CYTH3: variants seen among roughly 807,000 people sequenced by gnomAD.
The protein encoded by CYTH3 is cytohesin 3, also known as cytohesin-3.
In CYTH3, 23 loss-of-function variants were observed where a neutral mutation model predicts 55.1. The observed-to-expected ratio is 0.42, with a 90% CI of 0.30 to 0.59. The LOEUF is 0.59. Ranked by LOEUF, CYTH3 falls within the 20% of genes least tolerant of loss-of-function variation. The probability of loss-of-function intolerance (pLI) is 0.20; values close to 1 mark genes in which losing one functional copy is unlikely to be tolerated. For synonymous variants in CYTH3, 249 were observed against 194.9 expected, an observed-to-expected ratio of 1.28 and a Z score of -2.31; for missense variants, 413 against 524.8, an observed-to-expected ratio of 0.79 and a Z score of 2.08.
rs1037720106 is a variant in CYTH3 at position 6,272,611 on chromosome 7, A to T, written c.-104T>A. On this transcript the variant is annotated 5_prime_UTR_variant, in exon 1 of 13. Coordinates refer to ENST00000350796, the MANE Select transcript of CYTH3 (RefSeq NM_004227.4). ...CGCGCAGGCGACCGGGCGGCTCCTC[A>T]GCGCGCGGCCCGGGTCGCGGCCGGG... 2 of 893,390 alleles carry T rather than the reference A, an allele frequency of 2.2e-6. No homozygotes were observed. The highest frequency in any genetic ancestry group is 3.6e-5 in the African/African-American group (2 of 55,102). The allele number at this position is 893,390 out of a possible 1,614,324, so 55.3% of individuals were successfully genotyped here.
At chr7:6,224,799 A>T (rs1779198718) in intron 1 of CYTH3, among the ~76,000 whole-genome samples, 1 of 152,226 alleles carries the variant, frequency 6.6e-6, no homozygotes, top group Admixed American at 6.5e-5. Context: ...AGAAGGTGGA[A>T]ACAAACCAAA....
At chr7:6,166,293 C>T (rs531625628) in intron 9 of CYTH3, among the ~76,000 whole-genome samples, 8 of 152,372 alleles carry the variant, frequency 5.3e-5, no homozygotes, top group Admixed American at 1.3e-4. Context: ...TGCACACGCA[C>T]GTACCCCCAT....
chr7:6,226,294 C>T (rs1779249479), intron 1 of CYTH3, among the ~76,000 whole-genome samples: 1 of 152,194 alleles, frequency 6.6e-6, no homozygotes, highest in Non-Finnish European at 1.5e-5. Flanking sequence ...GGAGATACTT[C>T]CTCATTCCTT....
intron 1 of CYTH3, among the ~76,000 whole-genome samples, chr7:6,201,805 C>T (rs1377206862): frequency 6.6e-6 from 1 of 151,670 alleles, no homozygotes; most frequent in Non-Finnish European, 1.5e-5. Flanking sequence ...AGAAGGCATA[C>T]TAAAATTTCT....
At chr7:6,168,845 T>A (rs941007936) in intron 9 of CYTH3, among the ~76,000 whole-genome samples, 10 of 152,206 alleles carry the variant, frequency 6.6e-5, no homozygotes, top group African/African-American at 2.4e-4. Flanking sequence ...GCTGATGGCG[T>A]CACTGTCCCT....
chr7:6,171,126 G>C lies in CYTH3; in HGVS notation c.562+76C>G. On this transcript the variant is annotated intron_variant, in intron 7 of 12. Coordinates refer to ENST00000350796, the MANE Select transcript of CYTH3 (RefSeq NM_004227.4). This position sits in a 1 kb window ranked among gnomAD's most constrained non-coding sequence, Gnocchi z 6.7. ...GGTCCCCAGGAACACACGCTGGGCT[G>C]TGCCCACAGGGGCCGCCCCCTCCAG... 1 of 1,587,290 alleles carries C rather than the reference G, an allele frequency of 6.3e-7. No individual in the cohort carries two copies. Among genetic ancestry groups the C allele is most frequent in the South Asian group, 1.1e-5 (1 of 90,278 alleles).
intron 3 of CYTH3, 127 bp downstream of exon 3, chr7:6,187,530 G>C: frequency 1.2e-6 from 1 of 825,588 alleles, no homozygotes; most frequent in Non-Finnish European, 2.1e-6. Flanking sequence ...GGAGAGGAGA[G>C]GAATTAACAA....
chr7:6,189,930 G>T (rs548748081), intron 2 of CYTH3, among the ~76,000 whole-genome samples: 77 of 152,194 alleles, frequency 5.1e-4, no homozygotes, highest in African/African-American at 1.8e-3. Context: ...CAGATACTCA[G>T]GAGACTGAGG....
At position 6,170,802 on chromosome 7, in the gene CYTH3, G is replaced by C. The variant is rs556745763; in HGVS notation, c.711+28C>G. 8.8e-6 allele frequency: 14 copies of C among 1,597,888 alleles called. No individual in the cohort carries two copies. Among genetic ancestry groups the C allele is most frequent in the Admixed American group, 6.9e-5 (4 of 58,200 alleles). On this transcript the variant is annotated intron_variant, in intron 8 of 12. Transcript: ENST00000350796. The surrounding 1 kb of genome is among the most constrained non-coding windows in gnomAD (Gnocchi z 7.8). ...CTCACAGCGAAGAGATCCTGCAGACGGCAGCGGCCGCGGGCCGGGGAGCTC... is the reference window on the plus strand; with the variant it reads ...CTCACAGCGAAGAGATCCTGCAGACCGCAGCGGCCGCGGGCCGGGGAGCTC...
intron 1 of CYTH3, among the ~76,000 whole-genome samples, chr7:6,210,948 A>C (rs1326455496): frequency 6.6e-6 from 1 of 152,254 alleles, no homozygotes; most frequent in Non-Finnish European, 1.5e-5. Flanking sequence ...TGATCACAAA[A>C]TGGAGAAATC....
intron 5 of CYTH3, among the ~76,000 whole-genome samples, chr7:6,174,552 T>G (rs936487735): frequency 1.9e-4 from 28 of 144,312 alleles, no homozygotes; most frequent in Non-Finnish European, 3.3e-4. Flanking sequence ...TTTTTTTTTT[T>G]TTTTTTTTTT....
In CYTH3 at chr7:6,170,736, A is replaced by C. The variant is rs978559015; in HGVS notation, c.712-90T>G. The C allele has an allele frequency of 6.1e-5, 95 of 1,564,584 alleles. No individual in the cohort carries two copies. The South Asian group carries it at 9.1e-4, about 15-fold the overall frequency. On this transcript the variant is annotated intron_variant, in intron 8 of 12. Coordinates refer to ENST00000350796, the MANE Select transcript of CYTH3 (RefSeq NM_004227.4). This position sits in a 1 kb window ranked among gnomAD's most constrained non-coding sequence, Gnocchi z 7.8. ...GCTCAGCGGGACCAGGGCGGCAAGG[A>C]GGCTTGGGAGGCGTGTCTAGAGCCG...
At position 6,193,149 on chromosome 7, in the gene CYTH3, G is replaced by C. The variant is rs555314977; in HGVS notation, c.35-2618C>G. Among the ~76,000 whole-genome samples the C allele has an allele frequency of 1.2e-4, 18 of 152,258 alleles. No homozygotes were observed. The South Asian group carries it at 3.7e-3, about 32-fold the overall frequency. On this transcript the variant is annotated intron_variant, in intron 1 of 12. Coordinates refer to ENST00000350796, the MANE Select transcript of CYTH3 (RefSeq NM_004227.4). ...ATCCCACCACTGCACTCTAGCCTGG[G>C]TGACAGAGCGAGAGTCCGTCTCAAA...
chr7:6,191,591 C>CTTTT (rs1172231329), intron 1 of CYTH3, among the ~76,000 whole-genome samples: 1,300 of 105,046 alleles, frequency 0.012, 31 homozygotes, highest in Middle Eastern at 0.052. Flanking sequence ...TAGGGAAGGA[C>CTTTT]TTTTTTTTTT....
intron 4 of CYTH3, among the ~76,000 whole-genome samples, chr7:6,186,094 A>G (rs1300467616): frequency 6.6e-6 from 1 of 151,774 alleles, no homozygotes; most frequent in South Asian, 2.1e-4. Context: ...AATACAAAAA[A>G]TTAGCCGGGC....
At chr7:6,204,437 A>G (rs988627265) in intron 1 of CYTH3, among the ~76,000 whole-genome samples, 1 of 152,196 alleles carries the variant, frequency 6.6e-6, no homozygotes, top group African/African-American at 2.4e-5. Flanking sequence ...GCAGTGAAGC[A>G]GAAGTCCTCG....
At chr7:6,182,591 C>T (rs1783531212) in intron 4 of CYTH3, among the ~76,000 whole-genome samples, 2 of 152,218 alleles carry the variant, frequency 1.3e-5, no homozygotes, top group African/African-American at 4.8e-5. Context: ...ATTGTAGCCT[C>T]AAACTCCTGG....
chr7:6,267,885 T>C (rs1780543299), intron 1 of CYTH3, among the ~76,000 whole-genome samples: 1 of 152,214 alleles, frequency 6.6e-6, no homozygotes, highest in South Asian at 2.1e-4. Flanking sequence ...CTTACCATCA[T>C]ACTATTTTTC....
chr7:6,267,297 T>C (rs1198474691), intron 1 of CYTH3, among the ~76,000 whole-genome samples: 2 of 152,170 alleles, frequency 1.3e-5, no homozygotes, highest in Non-Finnish European at 2.9e-5. Flanking sequence ...AAAAACGGCA[T>C]GACACAGGCA....
Sources: allele counts gnomAD v4.1 joint callset (sites outside exome capture counted in the v4.1 genomes callset), GRCh38; gene constraint gnomAD v4.1.1; non-coding constraint Gnocchi (gnomAD v3.1); transcripts MANE v1.5; gene names NCBI Gene and HGNC (gene_info 2026-07-23, HGNC 2026-07-21).